Variants in ADARB2 observed in about 807,000 individuals in gnomAD.
ADARB2 encodes inactive double-stranded RNA-specific editase B2.
A neutral mutation model predicts 62.2 loss-of-function variants in ADARB2; 25 were observed. That is an observed-to-expected ratio of 0.40 (90% confidence interval 0.29 to 0.56). The LOEUF is 0.56. Among genes scored for constraint, ADARB2 ranks in the 20% least tolerant of loss-of-function variants. The pLI is 0.43. For synonymous variants in ADARB2, 572 were observed against 500.8 expected, an observed-to-expected ratio of 1.14 and a Z score of -1.90; for missense variants, 1,071 against 1,077.4, an observed-to-expected ratio of 0.99 and a Z score of 0.08.
rs1373662397 is a variant in ADARB2 at position 1,673,312 on chromosome 10, T to TTTGTGTG, written c.100+63738_100+63739insCACACAA. ...TAACAAGTGATTTGTAGATTTCATT[T>TTTGTGTG]TATGTGTGTGTGTGTGTGTGTGTGT... is the stretch of plus-strand genomic sequence containing the variant. On this transcript the variant is annotated intron_variant, in intron 1 of 9. Coordinates refer to ENST00000381312, the MANE Select transcript of ADARB2 (RefSeq NM_018702.4). Among the ~76,000 whole-genome samples the TTTGTGTG allele has an allele frequency of 9.8e-4, 71 of 72,224 alleles. 5 individuals are homozygous for TTTGTGTG. The highest frequency in any genetic ancestry group is 5.8e-5 in the Non-Finnish European group (2 of 34,292). 47.4% of individuals were successfully genotyped at this position (72,224 alleles called of 152,430 possible).
intron 1 of ADARB2, among the ~76,000 whole-genome samples, chr10:1,523,077 G>A (rs923022552): frequency 5.9e-5 from 9 of 152,140 alleles, no homozygotes; most frequent in African/African-American, 1.2e-4. Flanking sequence ...GAAGAGCACC[G>A]ACTCACGTTT....
chr10:1,287,082 C>T (rs1211489742), intron 3 of ADARB2, among the ~76,000 whole-genome samples: 1 of 152,126 alleles, frequency 6.6e-6, no homozygotes, highest in Non-Finnish European at 1.5e-5. Context: ...GTTGGGGTGA[C>T]CTTTCCTGTG....
chr10:1,298,932 A>G (rs1324641193), intron 3 of ADARB2, among the ~76,000 whole-genome samples: 1 of 150,518 alleles, frequency 6.6e-6, no homozygotes, highest in Non-Finnish European at 1.5e-5. Flanking sequence ...TTTTGTAGAG[A>G]TGGGGTTTCA....
chr10:1,575,576 C>T (rs1003560254), intron 1 of ADARB2, among the ~76,000 whole-genome samples: 4 of 152,234 alleles, frequency 2.6e-5, no homozygotes, highest in East Asian at 1.9e-4. Context: ...GAGACACATG[C>T]GTGCAGACGC....
At chr10:1,639,615 C>G (rs146086042) in intron 1 of ADARB2, among the ~76,000 whole-genome samples, 1 of 152,114 alleles carries the variant, frequency 6.6e-6, no homozygotes, top group African/African-American at 2.4e-5. Flanking sequence ...GAGGCCAAGG[C>G]GAGAAGATCA....
intron 1 of ADARB2, among the ~76,000 whole-genome samples, chr10:1,557,141 C>T (rs963137508): frequency 2.0e-5 from 3 of 151,356 alleles, no homozygotes; most frequent in Admixed American, 6.6e-5. Flanking sequence ...TGGCGCCCCC[C>T]GTCTTTGCCC....
chr10:1,611,546 C>T (rs535449142), intron 1 of ADARB2, among the ~76,000 whole-genome samples: 46 of 152,288 alleles, frequency 3.0e-4, no homozygotes, highest in Non-Finnish European at 4.3e-4. Flanking sequence ...GATGAGAACT[C>T]GGCTCTCCCC....
chr10:1,566,617 T>C (rs1162135969), intron 1 of ADARB2, among the ~76,000 whole-genome samples: 3 of 152,022 alleles, frequency 2.0e-5, no homozygotes, highest in African/African-American at 7.3e-5. Context: ...AGATGGCAGA[T>C]TCAATGAGAG....
intron 4 of ADARB2, among the ~76,000 whole-genome samples, chr10:1,243,531 CCT>C (rs1354751160): frequency 1.3e-5 from 2 of 152,240 alleles, no homozygotes; most frequent in Admixed American, 1.3e-4. Context: ...CTTTTTCTCC[CCT>C]GAGAACTTAG....
chr10:1,358,418 AG>A (rs1452133589), intron 3 of ADARB2, among the ~76,000 whole-genome samples: 2 of 152,218 alleles, frequency 1.3e-5, no homozygotes, highest in Non-Finnish European at 2.9e-5. Context: ...AGCTTCTCCC[AG>A]GGACTTCACA....
intron 1 of ADARB2, among the ~76,000 whole-genome samples, chr10:1,407,312 C>A (rs1832715395): frequency 1.3e-5 from 2 of 152,186 alleles, no homozygotes; most frequent in South Asian, 4.1e-4. Context: ...CTGTCTTCTA[C>A]AAGTGCCATT....
At chr10:1,473,131 G>C (rs536532013) in intron 1 of ADARB2, among the ~76,000 whole-genome samples, 1 of 152,120 alleles carries the variant, frequency 6.6e-6, no homozygotes, top group African/African-American at 2.4e-5. Flanking sequence ...GTCAAACCAC[G>C]CACCCGTCCT....
At chr10:1,399,660 G>A (rs1477699510) in intron 1 of ADARB2, among the ~76,000 whole-genome samples, 3 of 152,148 alleles carry the variant, frequency 2.0e-5, no homozygotes, top group South Asian at 2.1e-4. Flanking sequence ...GCCCTGAGAC[G>A]CATTCGTAAA....
Position 1,698,784 on chromosome 10 carries a change from G to A in ADARB2, c.100+38267C>T, listed in dbSNP as rs114458974. On this transcript the variant is annotated intron_variant, in intron 1 of 9. Coordinates refer to ENST00000381312, the MANE Select transcript of ADARB2 (RefSeq NM_018702.4). ...ATTTATTATTATTATTTTTTAAATGGCATCTTGCTCTGTCGCTCAGGCTGG... is the reference window on the plus strand; with the variant it reads ...ATTTATTATTATTATTTTTTAAATGACATCTTGCTCTGTCGCTCAGGCTGG... 7.3e-3 allele frequency among the ~76,000 whole-genome samples: 1,116 copies of A among 152,240 alleles called. 14 individuals carry two copies. The highest frequency in any genetic ancestry group is 0.026 in the African/African-American group (1,072 of 41,540).
In ADARB2 at chr10:1,298,018, C is replaced by T. The variant is rs186529431; in HGVS notation, c.1078-26949G>A. On this transcript the variant is annotated intron_variant, in intron 3 of 9. Transcript: ENST00000381312. ...ACCTGGGTGTGCTCACTTGCTGTAGCGGCTGAGGAGCTCTCACAAACACAG... is the reference window on the plus strand; with the variant it reads ...ACCTGGGTGTGCTCACTTGCTGTAGTGGCTGAGGAGCTCTCACAAACACAG... 1.4e-4 allele frequency among the ~76,000 whole-genome samples: 22 copies of T among 152,334 alleles called. No homozygotes were observed. In the East Asian group the frequency reaches 2.7e-3, roughly 19 times the overall value.
rs948418220 is a variant in ADARB2 at position 1,538,978 on chromosome 10, G to A, written c.101-159818C>T. ...CAGAGGGTGCAGGCGTCATTCTCAC[G>A]ACAGGTGAGGGGTCTCAGGCCAGAG... is the stretch of plus-strand genomic sequence containing the variant. On this transcript the variant is annotated intron_variant, in intron 1 of 9. Coordinates refer to ENST00000381312, the MANE Select transcript of ADARB2 (RefSeq NM_018702.4). Among the ~76,000 whole-genome samples, 6 of 152,190 alleles carry A rather than the reference G, an allele frequency of 3.9e-5. No individual in the cohort carries two copies. In the East Asian group the frequency reaches 5.8e-4, roughly 15 times the overall value.
intron 1 of ADARB2, among the ~76,000 whole-genome samples, chr10:1,705,988 T>G (rs554505118): frequency 6.6e-6 from 1 of 152,248 alleles, no homozygotes; most frequent in Non-Finnish European, 1.5e-5. Context: ...TACCATTTTA[T>G]CTTCTTGTTT....
intron 3 of ADARB2, among the ~76,000 whole-genome samples, chr10:1,359,851 C>A (rs11250456): frequency 0.072 from 10,943 of 152,322 alleles, 434 homozygotes; most frequent in South Asian, 0.12. Flanking sequence ...CCCTTGAGAA[C>A]CTACTGGGTT....
chr10:1,610,222 G>C (rs1833550027), intron 1 of ADARB2, among the ~76,000 whole-genome samples: 1 of 152,072 alleles, frequency 6.6e-6, no homozygotes, highest in Non-Finnish European at 1.5e-5. Flanking sequence ...TGCAGCCCCA[G>C]GGCCCCTACA....
Sources: gnomAD v4.1 joint callset for allele counts (sites outside exome capture counted in the v4.1 genomes callset) on GRCh38, gnomAD v4.1.1 for gene constraint, MANE v1.5 for transcripts, NCBI Gene and HGNC (gene_info 2026-07-23, HGNC 2026-07-21) for gene names.